Variants in THTPA observed in about 807,000 individuals in gnomAD.
The protein encoded by THTPA is thiamine-triphosphatase.
In THTPA, 16 loss-of-function variants were observed where a neutral mutation model predicts 16.5. The ratio of observed to expected loss-of-function variants is 0.97; its 90% CI spans 0.66 to 1.47. The LOEUF is 1.47. Ranked by LOEUF, THTPA falls within the 40% of genes most tolerant of loss-of-function variation. The pLI is 0.00. For synonymous variants in THTPA, 110 were observed against 115.5 expected (o/e 0.95, Z 0.30); for missense variants, 281 against 280.9 (o/e 1.00, Z 0.00).
chr14:23,530,615 AGAG>A, the THTPA span: 1 of 370,868 alleles, frequency 2.7e-6, no homozygotes, highest in East Asian at 7.2e-5. Flanking sequence ...TCTAGCTGGA[AGAG>A]GAGATTACCG....
chr14:23,519,188 C>T, the THTPA span, among the ~76,000 whole-genome samples: 2 of 152,074 alleles, frequency 1.3e-5, no homozygotes, highest in African/African-American at 2.4e-5. Context: ...CATCAACTCT[C>T]GGTGAAAACA....
At position 23,558,743 on chromosome 14, in the gene THTPA, A is replaced by G. The variant is rs759470089; in HGVS notation, c.596A>G (p.Gln199Arg). Residue 199 changes from glutamine (Q) to arginine (R), a missense_variant, in exon 2 of 2, where the codon CAG (glutamine) becomes CGG (arginine). Physicochemically the swap from Gln to Arg is conservative, Grantham distance 43 (BLOSUM62 1). Coordinates refer to ENST00000288014, the MANE Select transcript of THTPA (RefSeq NM_024328.6). ...TAPAKLIVYL[Q>R]RFRPQDYQRL... is the part of the protein sequence containing the mutation. ...CCAGCCAAGCTGATTGTGTATCTAC[A>G]GCGTTTCCGGCCTCAAGACTATCAG... is the stretch of plus-strand genomic sequence containing the variant. 4 of 1,614,188 alleles carry G rather than the reference A, an allele frequency of 2.5e-6. No homozygotes were observed. The South Asian group carries it at 4.4e-5, about 18-fold the overall frequency.
At chr14:23,542,871 G>C in the THTPA span, 1 of 152,108 alleles carries the variant, frequency 6.6e-6, no homozygotes, top group Non-Finnish European at 1.5e-5. Flanking sequence ...GAGTAGCTGG[G>C]ATTACAGGCG....
chr14:23,530,627 C>T, the THTPA span: 12 of 348,596 alleles, frequency 3.4e-5, no homozygotes, highest in Admixed American at 8.2e-5. Flanking sequence ...AGGAGATTAC[C>T]GCTCAAGTAA....
At chr14:23,516,259 T>C in the THTPA span, among the ~76,000 whole-genome samples, 4 of 152,236 alleles carry the variant, frequency 2.6e-5, no homozygotes, top group Non-Finnish European at 4.4e-5. Flanking sequence ...TTCTGAGAGA[T>C]GGCAGTCACC....
chr14:23,527,867 G>T, the THTPA span: 20 of 1,144,536 alleles, frequency 1.7e-5, no homozygotes, highest in Non-Finnish European at 2.4e-5. Context: ...CCATCACATA[G>T]TCCTTTGGAT....
the THTPA span, chr14:23,533,680 G>A: frequency 2.6e-6 from 4 of 1,538,406 alleles, no homozygotes; most frequent in Non-Finnish European, 3.5e-6. The surrounding 1 kb of genome is among the most constrained non-coding windows in gnomAD (Gnocchi z 4.8). Context: ...TGCCTCTGGT[G>A]GACTTCCCTG....
the THTPA span, chr14:23,522,360 C>T: frequency 6.5e-7 from 1 of 1,536,006 alleles, no homozygotes; most frequent in East Asian, 2.4e-5. Context: ...GTGGAGATGC[C>T]AGTGCTGCCT....
chr14:23,522,705 C>T, the THTPA span: 1 of 1,536,638 alleles, frequency 6.5e-7, no homozygotes, highest in Admixed American at 2.0e-5. Flanking sequence ...TTCTTGAGGG[C>T]ATCATTGGAG....
At chr14:23,533,517 C>T in the THTPA span, 1 of 1,536,068 alleles carries the variant, frequency 6.5e-7, no homozygotes, top group Non-Finnish European at 8.7e-7. The surrounding 1 kb of genome is among the most constrained non-coding windows in gnomAD (Gnocchi z 4.8). Flanking sequence ...CCAGCGGCAG[C>T]CCCTGGTGCA....
the THTPA span, chr14:23,530,677 CTAAT>C: frequency 2.9e-6 from 1 of 341,896 alleles, no homozygotes; most frequent in African/African-American, 2.2e-5. Flanking sequence ...CGGTGGCAGC[CTAAT>C]TAAAGTGTTA....
the THTPA span, chr14:23,526,598 G>A: frequency 1.3e-6 from 2 of 1,535,832 alleles, no homozygotes; most frequent in East Asian, 2.4e-5. Context: ...GCTTCCTGAG[G>A]GTTTGTCTGG....
chr14:23,523,207 A>T, the THTPA span: 1 of 1,422,992 alleles, frequency 7.0e-7, no homozygotes, highest in Non-Finnish European at 9.1e-7. The surrounding 1 kb of genome is among the most constrained non-coding windows in gnomAD (Gnocchi z 4.1). Flanking sequence ...ACTCACCTGA[A>T]TTGAAAGGAG....
the THTPA span, chr14:23,533,171 T>C: frequency 1.4e-6 from 2 of 1,447,070 alleles, no homozygotes; most frequent in Non-Finnish European, 1.8e-6. This position sits in a 1 kb window ranked among gnomAD's most constrained non-coding sequence, Gnocchi z 4.8. Context: ...ATGAGTAGGA[T>C]AGTGCTCAGA....
chr14:23,529,897 G>C, the THTPA span: 31,366 of 1,043,108 alleles, frequency 0.03, 588 homozygotes, highest in Non-Finnish European at 0.037. Context: ...GGTGAGGCTT[G>C]GCAAGGGCTG....
At chr14:23,545,890 G>A in the THTPA span, among the ~76,000 whole-genome samples, 3 of 152,296 alleles carry the variant, frequency 2.0e-5, no homozygotes, top group Middle Eastern at 3.4e-3. Flanking sequence ...TGGAAATGGC[G>A]TTTACCCCAT....
chr14:23,558,658 C>T, intron 1 of THTPA, 37 bp from the exon 2 acceptor site: 1 of 1,613,214 alleles, frequency 6.2e-7, no homozygotes, highest in East Asian at 2.2e-5. Flanking sequence ...GCTTGTGGCT[C>T]TGTCCATTTC....
At position 23,560,019 on chromosome 14, in the gene THTPA, C is replaced by G. The variant is rs1883339038; in HGVS notation, c.*1179C>G. ...GAACTGTGTTCCCACTGGGGGCCTG[C>G]AGCTGCAGCTGGAGACTCTGAACAC... is the stretch of plus-strand genomic sequence containing the variant. On this transcript the variant is annotated 3_prime_UTR_variant, in exon 2 of 2. Coordinates refer to ENST00000288014, the MANE Select transcript of THTPA (RefSeq NM_024328.6). The G allele has an allele frequency of 6.2e-7, 1 of 1,607,592 alleles. No individual in the cohort carries two copies. Among genetic ancestry groups the G allele is most frequent in the African/African-American group, 1.3e-5 (1 of 74,798 alleles).
the THTPA span, among the ~76,000 whole-genome samples, chr14:23,520,492 C>T: frequency 5.9e-5 from 9 of 152,186 alleles, no homozygotes; most frequent in South Asian, 1.9e-3. This position sits in a 1 kb window ranked among gnomAD's most constrained non-coding sequence, Gnocchi z 8.7. Flanking sequence ...AGTTAAATAC[C>T]CCACTCACCC....
Sources: allele counts gnomAD v4.1 joint callset (sites outside exome capture counted in the v4.1 genomes callset), GRCh38; gene constraint gnomAD v4.1.1; non-coding constraint Gnocchi (gnomAD v3.1); transcripts MANE v1.5; gene names NCBI Gene and HGNC (gene_info 2026-07-23, HGNC 2026-07-21).